TGFBR2: variants seen among roughly 807,000 people sequenced by gnomAD.
TGFBR2 encodes the protein transforming growth factor beta receptor 2, also known as TGF-beta receptor type-2.
TGFBR2 carries 18 observed loss-of-function variants against 49.0 expected under a neutral mutation model. That is an observed-to-expected ratio of 0.37 (90% CI 0.25 to 0.54). The LOEUF (loss-of-function observed/expected upper bound fraction) is 0.54. TGFBR2 is among the 20% of genes least tolerant of loss of function. The pLI, the probability that TGFBR2 is intolerant of heterozygous loss-of-function variation, is 0.85. For synonymous variants in TGFBR2, 282 were observed against 275.9 expected (o/e 1.02, Z -0.22); for missense variants, 525 against 722.6 (o/e 0.73, Z 3.13).
chr3:30,664,604 T>G (rs1050060713), intron 3 of TGFBR2, among the ~76,000 whole-genome samples: 10 of 152,076 alleles, frequency 6.6e-5, no homozygotes, highest in African/African-American at 2.4e-4. Context: ...TATACTTTCC[T>G]TTGGAGTGAT....
Position 30,606,982 on chromosome 3 carries a change from G to A in TGFBR2, c.94+5G>A, listed in dbSNP as rs1697934736. 4 of 1,588,440 alleles carry A rather than the reference G, an allele frequency of 2.5e-6. No homozygotes were observed. The highest frequency in any genetic ancestry group is 3.4e-6 in the Non-Finnish European group (4 of 1,167,456). ...CACCGCACGTTCAGAAGTCGGGTGAGTGGTCCCCAGCCCGGGCTCGGCGGG... is the reference window on the plus strand; with the variant it reads ...CACCGCACGTTCAGAAGTCGGGTGAATGGTCCCCAGCCCGGGCTCGGCGGG... On this transcript the variant is annotated splice_donor_5th_base_variant and intron_variant, in intron 1 of 6. Coordinates refer to ENST00000295754, the MANE Select transcript of TGFBR2 (RefSeq NM_003242.6).
chr3:30,665,395 A>T (rs1487211069), intron 3 of TGFBR2, among the ~76,000 whole-genome samples: 1 of 152,246 alleles, frequency 6.6e-6, no homozygotes, highest in Non-Finnish European at 1.5e-5. Flanking sequence ...AAACGGGGGT[A>T]AGAGAATCTA....
At chr3:30,621,879 A>G (rs530409254) in intron 1 of TGFBR2, among the ~76,000 whole-genome samples, 4 of 152,314 alleles carry the variant, frequency 2.6e-5, no homozygotes, top group South Asian at 2.1e-4. Context: ...AACTTCTTGA[A>G]TAACTGCTGC....
In TGFBR2 at chr3:30,645,135, T is replaced by C. The variant is rs1155706; in HGVS notation, c.263+220T>C. ...TGTGGGTATATAAACGTATCATGAT[T>C]ATAAAATGATCATGATAAATGTAAA... On this transcript the variant is annotated intron_variant, in intron 2 of 6. Coordinates refer to ENST00000295754, the MANE Select transcript of TGFBR2 (RefSeq NM_003242.6). Among the ~76,000 whole-genome samples the C allele has an allele frequency of 0.35, 52,426 of 151,588 alleles. 9,388 individuals carry two copies. The highest frequency in any genetic ancestry group is 0.68 in the East Asian group (3,502 of 5,122).
chr3:30,607,787 T>TAA (rs1282819756), intron 1 of TGFBR2, among the ~76,000 whole-genome samples: 1,395 of 127,640 alleles, frequency 0.011, 30 homozygotes, highest in African/African-American at 0.045. Context: ...AAGGAAAAAA[T>TAA]AAAAATAAAA....
chr3:30,674,167 T>C lies in TGFBR2; in HGVS notation c.1317T>C (p.Val439=). Residue 439 remains valine, a synonymous_variant, in exon 5 of 7, where the codon GTT becomes GTC. Transcript: ENST00000295754. The part of the protein sequence containing the change: ...VLESRMNLEN[V]ESFKQTDVYS... ...AATCCAGGATGAATTTGGAGAATGT[T>C]GAGTCCTTCAAGCAGACCGATGTCT... The C allele has an allele frequency of 6.2e-7, 1 of 1,614,158 alleles. No individual in the cohort carries two copies. The highest frequency in any genetic ancestry group is 8.5e-7 in the Non-Finnish European group (1 of 1,180,026).
At chr3:30,614,115 CTT>C (rs5847643) in intron 1 of TGFBR2, among the ~76,000 whole-genome samples, 7 of 120,608 alleles carry the variant, frequency 5.8e-5, no homozygotes, top group African/African-American at 9.6e-5. Context: ...TTTTTCTTTC[CTT>C]TTTTTTTTTT....
intron 1 of TGFBR2, among the ~76,000 whole-genome samples, chr3:30,607,513 C>G (rs897418343): frequency 2.0e-5 from 3 of 152,144 alleles, no homozygotes; most frequent in Non-Finnish European, 4.4e-5. Flanking sequence ...AAACAAGTTT[C>G]AAGAAAATAA....
At chr3:30,632,613 C>T (rs1698458231) in intron 1 of TGFBR2, among the ~76,000 whole-genome samples, 2 of 152,128 alleles carry the variant, frequency 1.3e-5, no homozygotes, top group Admixed American at 6.5e-5. Context: ...ATAGATTTAC[C>T]AAACTCATAC....
At chr3:30,684,601 G>T (rs1699593814) in intron 5 of TGFBR2, among the ~76,000 whole-genome samples, 2 of 152,148 alleles carry the variant, frequency 1.3e-5, no homozygotes, top group South Asian at 4.1e-4. Context: ...TTCTCCCAGT[G>T]GGGCACAAGG....
intron 1 of TGFBR2, among the ~76,000 whole-genome samples, chr3:30,625,590 G>A (rs1171397866): frequency 6.6e-6 from 1 of 152,076 alleles, no homozygotes; most frequent in African/African-American, 2.4e-5. Context: ...AAAAAGATAG[G>A]AAATTGTAAA....
At chr3:30,638,554 T>G (rs567301858) in intron 1 of TGFBR2, among the ~76,000 whole-genome samples, 1 of 152,222 alleles carries the variant, frequency 6.6e-6, no homozygotes, top group South Asian at 2.1e-4. Flanking sequence ...GATAAAGCAT[T>G]AGGGTTCAAA....
At chr3:30,671,535 T>C (rs1352158017) in intron 3 of TGFBR2, 103 bp from the exon 4 acceptor site, 2 of 1,172,812 alleles carry the variant, frequency 1.7e-6, no homozygotes, top group East Asian at 2.4e-5. Context: ...ACAAAAACTA[T>C]GCAGATGCTA....
intron 1 of TGFBR2, chr3:30,626,870 G>A (rs1698340982): frequency 6.6e-6 from 1 of 152,190 alleles, no homozygotes; most frequent in Non-Finnish European, 1.5e-5. Context: ...TGGTAGGAAA[G>A]CCAGCAATTA....
intron 2 of TGFBR2, among the ~76,000 whole-genome samples, chr3:30,645,366 A>G (rs1366538593): frequency 2.0e-5 from 3 of 152,166 alleles, no homozygotes; most frequent in African/African-American, 7.2e-5. Flanking sequence ...CCAGCCAAAA[A>G]TGGGGAATCT....
intron 1 of TGFBR2, among the ~76,000 whole-genome samples, chr3:30,640,150 G>T (rs1344395342): frequency 6.6e-6 from 1 of 152,158 alleles, no homozygotes; most frequent in African/African-American, 2.4e-5. Flanking sequence ...TGAAGGTTTT[G>T]ATATTACTCA....
At chr3:30,616,294 A>G (rs1698131920) in intron 1 of TGFBR2, among the ~76,000 whole-genome samples, 1 of 152,198 alleles carries the variant, frequency 6.6e-6, no homozygotes, top group Non-Finnish European at 1.5e-5. Context: ...TCACAAAACC[A>G]AAATATTTTT....
intron 1 of TGFBR2, among the ~76,000 whole-genome samples, chr3:30,616,135 G>GC (rs1301047358): frequency 6.6e-6 from 1 of 151,940 alleles, no homozygotes; most frequent in African/African-American, 2.4e-5. Context: ...CTTAAAGAGT[G>GC]CCCCTGAAAT....
At chr3:30,650,955 T>C (rs1353704403) in intron 3 of TGFBR2, among the ~76,000 whole-genome samples, 1 of 152,174 alleles carries the variant, frequency 6.6e-6, no homozygotes, top group Non-Finnish European at 1.5e-5. Context: ...TTCTTGTACA[T>C]AGTCCCAGGA....
Sources: allele counts gnomAD v4.1 joint callset (sites outside exome capture counted in the v4.1 genomes callset), GRCh38; gene constraint gnomAD v4.1.1; transcripts MANE v1.5; gene names NCBI Gene and HGNC (gene_info 2026-07-23, HGNC 2026-07-21).